Variants in DYNC2H1 observed in about 807,000 individuals in gnomAD.
The protein encoded by DYNC2H1 is dynein cytoplasmic 2 heavy chain 1.
DYNC2H1 carries 410 observed loss-of-function variants against 570.0 expected under a neutral mutation model. That is an observed-to-expected ratio of 0.72 (90% confidence interval 0.66 to 0.78). The LOEUF (loss-of-function observed/expected upper bound fraction) is 0.78. Ranked by LOEUF, DYNC2H1 falls within the 30% of genes least tolerant of loss-of-function variation. DYNC2H1 has a pLI of 0.00. For synonymous variants in DYNC2H1, 1,688 were observed against 1,677.6 expected (o/e 1.01, Z -0.15); for missense variants, 4,865 against 5,046.4 (o/e 0.96, Z 1.09).
Position 103,154,566 on chromosome 11 carries a change from G to C in DYNC2H1, c.3418G>C (p.Gly1140Arg), listed in dbSNP as rs1325795105. 1 of 1,602,260 alleles carries C rather than the reference G, an allele frequency of 6.2e-7. No homozygotes were observed. Among genetic ancestry groups the C allele is most frequent in the Non-Finnish European group, 8.5e-7 (1 of 1,174,430 alleles). The part of the protein sequence containing the change: ...IWAFYEEFQQ[G>R]FQEMANEDWI... Reference sequence around the variant, plus strand: ...GGCCTTTTATGAAGAGTTTCAACAAGGATTTCAGGAAATGGCCAATGAAGA... The same window carrying C: ...GGCCTTTTATGAAGAGTTTCAACAACGATTTCAGGAAATGGCCAATGAAGA... Residue 1140 changes from glycine to arginine, a missense_variant, in exon 23 of 89, where the codon GGA becomes CGA. Gly to Arg is a moderately radical substitution (Grantham distance 125, BLOSUM62 -2). Coordinates refer to ENST00000375735, the MANE Select transcript of DYNC2H1 (RefSeq NM_001377.3).
chr11:103,416,138 C>G (rs1234488702), intron 84 of DYNC2H1, among the ~76,000 whole-genome samples: 1 of 152,072 alleles, frequency 6.6e-6, no homozygotes, highest in Non-Finnish European at 1.5e-5. Flanking sequence ...CATCACACAC[C>G]AGGGCCTGTC....
At chr11:103,410,200 G>C (rs1943024312) in intron 84 of DYNC2H1, among the ~76,000 whole-genome samples, 2 of 152,040 alleles carry the variant, frequency 1.3e-5, no homozygotes, top group Admixed American at 6.6e-5. Context: ...TTCTAGAATA[G>C]TATTTGGAAA....
chr11:103,162,331 G>A (rs1861131472), intron 29 of DYNC2H1, among the ~76,000 whole-genome samples: 1 of 152,100 alleles, frequency 6.6e-6, no homozygotes, highest in Non-Finnish European at 1.5e-5. Flanking sequence ...ACGCAATGAT[G>A]AGAGGCTAAG....
At chr11:103,385,063 ATCTTT>A (rs1286636637) in intron 83 of DYNC2H1, among the ~76,000 whole-genome samples, 2 of 152,006 alleles carry the variant, frequency 1.3e-5, no homozygotes, top group Non-Finnish European at 2.9e-5. Context: ...TCTTTGATCT[ATCTTT>A]TCTTGCTGCT....
In DYNC2H1 at chr11:103,245,569, G is replaced by C. The variant is rs933707920; in HGVS notation, c.10042+195G>C. 6.6e-6 allele frequency among the ~76,000 whole-genome samples: 1 copy of C among 152,108 alleles called. No homozygotes were observed. Among genetic ancestry groups the C allele is most frequent in the African/African-American group, 2.4e-5 (1 of 41,438 alleles). On this transcript the variant is annotated intron_variant, in intron 65 of 88. Transcript: ENST00000375735. The surrounding 1 kb of genome is among the most constrained non-coding windows in gnomAD (Gnocchi z 4.5). ...ATCAGGAAAGCTCAGTAGAGACCTAGTACCCATAGTTTACTGGGGGTTGAT... is the reference window on the plus strand; with the variant it reads ...ATCAGGAAAGCTCAGTAGAGACCTACTACCCATAGTTTACTGGGGGTTGAT...
In DYNC2H1 at chr11:103,174,042, GTC is replaced by G; in HGVS notation, c.5559-9_5559-8del. On this transcript the variant is annotated splice_polypyrimidine_tract_variant and intron_variant, in intron 35 of 88. Coordinates refer to ENST00000375735, the MANE Select transcript of DYNC2H1 (RefSeq NM_001377.3). Reference sequence around the variant, plus strand: ...AGCTATTTGATGTGTTGATTTCCATGTCTCTATTTCAGGGAACTTTTGACACC... The same window carrying G: ...AGCTATTTGATGTGTTGATTTCCATGTCTATTTCAGGGAACTTTTGACACC... The G allele has an allele frequency of 6.4e-7, 1 of 1,554,298 alleles. No individual in the cohort carries two copies. Among genetic ancestry groups the G allele is most frequent in the Non-Finnish European group, 8.7e-7 (1 of 1,143,846 alleles).
At chr11:103,313,624 T>C (rs563953169) in intron 79 of DYNC2H1, among the ~76,000 whole-genome samples, 1 of 152,280 alleles carries the variant, frequency 6.6e-6, no homozygotes, top group East Asian at 1.9e-4. Flanking sequence ...TTCCTTGCAG[T>C]GATACCTTGG....
In DYNC2H1 at chr11:103,396,528, T is replaced by C. The variant is rs536730878; in HGVS notation, c.12157-3135T>C. 3.1e-3 allele frequency among the ~76,000 whole-genome samples: 469 copies of C among 152,302 alleles called. 2 individuals carry two copies. The highest frequency in any genetic ancestry group is 0.01 in the Middle Eastern group (3 of 294). On this transcript the variant is annotated intron_variant, in intron 83 of 88. Coordinates refer to ENST00000375735, the MANE Select transcript of DYNC2H1 (RefSeq NM_001377.3). ...TTGAGTGTACTCTGCTGACAAAAATTCTTTCTGAGGGAGAATCATTTCTAA... is the reference window on the plus strand; with the variant it reads ...TTGAGTGTACTCTGCTGACAAAAATCCTTTCTGAGGGAGAATCATTTCTAA...
rs984439395 is a variant in DYNC2H1, at chr11:103,186,861, A to G, written c.6893+360A>G. On this transcript the variant is annotated intron_variant, in intron 42 of 88. Transcript: ENST00000375735. This position sits in a 1 kb window ranked among gnomAD's most constrained non-coding sequence, Gnocchi z 4.5. The stretch of plus-strand genomic sequence containing the variant: ...AGATCTCTATTTAAAAGTAGCTTTT[A>G]ATTCAGTGGAATTCAGCCTAGTTTT... 1.3e-5 allele frequency among the ~76,000 whole-genome samples: 2 copies of G among 151,824 alleles called. No homozygotes were observed. The highest frequency in any genetic ancestry group is 1.3e-4 in the Admixed American group (2 of 15,174).
At position 103,304,723 on chromosome 11, in the gene DYNC2H1, A is replaced by G. The variant is rs1465140317; in HGVS notation, c.11382+3A>G. ...CTTGGCTGCCAGTTCTGGAAAAGGT[A>G]GATTCAGATAAATGTACAAATAATA... On this transcript the variant is annotated splice_donor_region_variant and intron_variant, in intron 77 of 88. Coordinates refer to ENST00000375735, the MANE Select transcript of DYNC2H1 (RefSeq NM_001377.3). 2 of 1,608,762 alleles carry G rather than the reference A, an allele frequency of 1.2e-6. No individual in the cohort carries two copies. Among genetic ancestry groups the G allele is most frequent in the East Asian group, 2.2e-5 (1 of 44,660 alleles).
chr11:103,292,653 G>T (rs1339860011), intron 75 of DYNC2H1, among the ~76,000 whole-genome samples: 1 of 152,246 alleles, frequency 6.6e-6, no homozygotes, highest in Non-Finnish European at 1.5e-5. Flanking sequence ...GTGGCTTGGT[G>T]CTGTCCTCAC....
At position 103,245,136 on chromosome 11, in the gene DYNC2H1, A is replaced by T. The variant is rs549763967; in HGVS notation, c.9919-115A>T. 6.7e-6 allele frequency: 6 copies of T among 893,656 alleles called. No individual in the cohort carries two copies. The East Asian group carries it at 1.8e-4, about 26-fold the overall frequency. The allele number at this position is 893,656 out of a possible 1,614,324, so 55.4% of individuals were successfully genotyped here. ...GGGTGAGTAATTTATTACCTATAGA[A>T]TCTGAAATTGTGTTTCTATAACATT... On this transcript the variant is annotated intron_variant, in intron 64 of 88. Transcript: ENST00000375735. The surrounding 1 kb of genome is among the most constrained non-coding windows in gnomAD (Gnocchi z 4.5).
chr11:103,327,369 T>G (rs888648422), intron 82 of DYNC2H1, among the ~76,000 whole-genome samples: 3 of 152,112 alleles, frequency 2.0e-5, no homozygotes, highest in African/African-American at 7.2e-5. Flanking sequence ...TATTTGAATA[T>G]TCACATAAAA....
intron 70 of DYNC2H1, among the ~76,000 whole-genome samples, chr11:103,273,236 C>T (rs531896706): frequency 6.6e-6 from 1 of 151,546 alleles, no homozygotes; most frequent in Admixed American, 6.6e-5. Context: ...ATTGCCCAGG[C>T]TGGAGTGCAG....
intron 79 of DYNC2H1, among the ~76,000 whole-genome samples, chr11:103,312,249 G>A (rs948338341): frequency 4.4e-4 from 67 of 151,860 alleles, no homozygotes; most frequent in Non-Finnish European, 5.4e-4. Context: ...GCATGGTGGC[G>A]CATGCCTATA....
At chr11:103,385,423 T>G (rs540460516) in intron 83 of DYNC2H1, among the ~76,000 whole-genome samples, 1 of 152,288 alleles carries the variant, frequency 6.6e-6, no homozygotes, top group African/African-American at 2.4e-5. Flanking sequence ...ACTGTTTTTT[T>G]TCAGCTGAAT....
intron 84 of DYNC2H1, chr11:103,407,090 GATTT>G (rs1324297711): frequency 2.0e-5 from 3 of 151,716 alleles, no homozygotes; most frequent in South Asian, 2.1e-4. Flanking sequence ...CCAGGGCCGG[GATTT>G]ATTTTTTTTT....
chr11:103,412,632 CTCT>C (rs1943132596), intron 84 of DYNC2H1, among the ~76,000 whole-genome samples: 2 of 152,028 alleles, frequency 1.3e-5, no homozygotes, highest in Admixed American at 1.3e-4. Context: ...CACTAAATGG[CTCT>C]TCAATTTTTT....
chr11:103,278,907 A>C (rs140673966), intron 70 of DYNC2H1, among the ~76,000 whole-genome samples: 1 of 152,250 alleles, frequency 6.6e-6, no homozygotes, highest in East Asian at 1.9e-4. Flanking sequence ...GACTGTTCTT[A>C]TAAGAAATAC....
Sources: gnomAD v4.1 joint callset for allele counts (sites outside exome capture counted in the v4.1 genomes callset) on GRCh38, gnomAD v4.1.1 for gene constraint, Gnocchi (gnomAD v3.1) non-coding constraint, MANE v1.5 for transcripts, NCBI Gene and HGNC (gene_info 2026-07-23, HGNC 2026-07-21) for gene names.